CNKSR2: variants seen among roughly 807,000 people sequenced by gnomAD.
The protein encoded by CNKSR2 is connector enhancer of kinase suppressor of Ras 2.
Under a neutral mutation model 84.4 loss-of-function variants are expected in CNKSR2, and 14 were observed. The ratio of observed to expected loss-of-function variants is 0.17; its 90% confidence interval spans 0.11 to 0.26. The LOEUF (loss-of-function observed/expected upper bound fraction) is 0.26. Among genes scored for constraint, CNKSR2 ranks in the 10% least tolerant of loss-of-function variants. CNKSR2 has a pLI of 1.00. For synonymous variants in CNKSR2, 275 were observed against 277.9 expected (o/e 0.99, Z 0.10); for missense variants, 485 against 771.2 (o/e 0.63, Z 4.40).
intron 1 of CNKSR2, among the ~76,000 whole-genome samples, chrX:21,391,013 TC>T (rs1436839235): frequency 1.8e-5 from 2 of 112,163 alleles, no homozygotes; most frequent in Non-Finnish European, 3.8e-5. Context: ...CGTAATTACC[TC>T]CCTTGACTCC....
rs201782311 is a variant in CNKSR2, at chrX:21,598,008, C to CATATAT, written c.1976+2627_1976+2632dup. 1.8e-3 allele frequency among the ~76,000 whole-genome samples: 187 copies of CATATAT among 102,215 alleles called. 2 individuals carry two copies. Among genetic ancestry groups the CATATAT allele is most frequent in the Middle Eastern group, 0.01 (2 of 192 alleles). 88.8% of individuals were successfully genotyped at this position (102,215 alleles called of 115,157 possible). ...TAATTTTCTTCTGTAAAATCATACACATATATATATATATATATACACACA... is the reference window on the plus strand; with the variant it reads ...TAATTTTCTTCTGTAAAATCATACACATATATATATATATATATATATATACACACA... On this transcript the variant is annotated intron_variant, in intron 17 of 21. Transcript: ENST00000379510.
intron 20 of CNKSR2, among the ~76,000 whole-genome samples, chrX:21,617,912 C>A (rs1375075614): frequency 2.8e-5 from 2 of 71,939 alleles, no homozygotes; most frequent in African/African-American, 1.2e-4. Context: ...CACAAACACA[C>A]CCCCCCACAC....
intron 1 of CNKSR2, among the ~76,000 whole-genome samples, chrX:21,409,263 TA>T (rs2147005531): frequency 1.2e-5 from 1 of 85,855 alleles, no homozygotes; most frequent in Admixed American, 1.3e-4. Context: ...TATATATATA[TA>T]TATATATATA....
chrX:21,441,292 A>G (rs2090780304), intron 4 of CNKSR2: 1 of 110,900 alleles, frequency 9.0e-6, no homozygotes, highest in African/African-American at 3.3e-5. Flanking sequence ...TTCTTTTTCT[A>G]CTGTTATGTG....
chrX:21,455,955 T>G (rs1412249275), intron 4 of CNKSR2, among the ~76,000 whole-genome samples: 3 of 111,635 alleles, frequency 2.7e-5, no homozygotes, highest in Non-Finnish European at 3.8e-5. Context: ...CATGCTTCTC[T>G]TTAAAATAAA....
At chrX:21,501,383 T>C in intron 7 of CNKSR2, 137 bp from the exon 8 acceptor site, 1 of 351,394 alleles carries the variant, frequency 2.8e-6, no homozygotes, top group Non-Finnish European at 5.0e-6. Context: ...TAACCGTGTT[T>C]ATTGCTTTAA....
At chrX:21,388,941 G>A (rs1172395543) in intron 1 of CNKSR2, among the ~76,000 whole-genome samples, 1 of 109,470 alleles carries the variant, frequency 9.1e-6, no homozygotes, top group African/African-American at 3.3e-5. Flanking sequence ...AAGTCATGTT[G>A]ATAGCATGTA....
At chrX:21,590,802 A>G (rs979929883) in intron 14 of CNKSR2, 182 bp downstream of exon 14, 2 of 477,165 alleles carry the variant, frequency 4.2e-6, no homozygotes, top group African/African-American at 2.4e-5. Context: ...TTTTACAACA[A>G]ATGATCTCAA....
chrX:21,628,297 T>C (rs2092632960), intron 20 of CNKSR2, among the ~76,000 whole-genome samples: 2 of 111,634 alleles, frequency 1.8e-5, no homozygotes, highest in South Asian at 7.7e-4. Context: ...ATTGAGTGTC[T>C]GCAGCTTTTC....
chrX:21,575,567 C>A (rs777231190), intron 13 of CNKSR2, among the ~76,000 whole-genome samples: 2 of 111,590 alleles, frequency 1.8e-5, no homozygotes, highest in East Asian at 5.6e-4. Context: ...AATACATTAA[C>A]TCATCTACCA....
intron 11 of CNKSR2, among the ~76,000 whole-genome samples, chrX:21,555,184 T>A (rs771851416): frequency 9.0e-6 from 1 of 110,967 alleles, no homozygotes; most frequent in Non-Finnish European, 1.9e-5. Flanking sequence ...CTTTGCCCAC[T>A]TTTTTTATGG....
chrX:21,383,198 C>A (rs907740988), intron 1 of CNKSR2, among the ~76,000 whole-genome samples: 1 of 112,362 alleles, frequency 8.9e-6, no homozygotes, highest in Admixed American at 9.4e-5. Context: ...AACAACTATT[C>A]TACAAGATGG....
chrX:21,405,938 TGTGTAGATTCTACATAGCAGAGTAGC>T (rs891483878), intron 1 of CNKSR2, among the ~76,000 whole-genome samples: 6 of 111,821 alleles, frequency 5.4e-5, no homozygotes, highest in South Asian at 3.7e-4. Context: ...TTTAGCTTGC[TGTGTAGATTCTACATAGCAGAGTAGC>T]GTGTAGATTC....
intron 4 of CNKSR2, among the ~76,000 whole-genome samples, chrX:21,461,719 G>A (rs1157824605): frequency 3.6e-5 from 4 of 111,862 alleles, no homozygotes; most frequent in East Asian, 2.8e-4. Flanking sequence ...TGTATATGGC[G>A]GGAGATACAG....
chrX:21,546,709 A>G (rs1313154254), intron 11 of CNKSR2, among the ~76,000 whole-genome samples: 3 of 111,679 alleles, frequency 2.7e-5, no homozygotes, highest in African/African-American at 9.8e-5. Flanking sequence ...AAGGAAAGCC[A>G]ATCAGACTAA....
At chrX:21,475,319 A>G (rs60994354) in intron 5 of CNKSR2, among the ~76,000 whole-genome samples, 10,409 of 111,637 alleles carry the variant, frequency 0.093, 1,195 homozygotes, top group African/African-American at 0.32. Flanking sequence ...TACCTAATGT[A>G]TACCTACTAT....
chrX:21,413,239 A>C (rs1024425818), intron 1 of CNKSR2, among the ~76,000 whole-genome samples: 3 of 111,388 alleles, frequency 2.7e-5, no homozygotes, highest in Non-Finnish European at 3.8e-5. Context: ...ACCATGTATC[A>C]GCACTTTCTT....
chrX:21,498,186 A>G (rs1415454469), intron 7 of CNKSR2, among the ~76,000 whole-genome samples: 2 of 112,119 alleles, frequency 1.8e-5, no homozygotes, highest in Non-Finnish European at 3.8e-5. Context: ...CATGCGAGAA[A>G]TAAATATCAG....
At chrX:21,602,388 C>T (rs183418055) in intron 18 of CNKSR2, among the ~76,000 whole-genome samples, 4 of 111,495 alleles carry the variant, frequency 3.6e-5, no homozygotes, top group African/African-American at 6.5e-5. Flanking sequence ...CCCAAACCCC[C>T]GGGCTCAAGC....
Sources: gnomAD v4.1 joint callset for allele counts (sites outside exome capture counted in the v4.1 genomes callset) on GRCh38, gnomAD v4.1.1 for gene constraint, MANE v1.5 for transcripts, NCBI Gene and HGNC (gene_info 2026-07-23, HGNC 2026-07-21) for gene names.